The following COL4A1 variants were observed in gnomAD, a reference collection of about 807,000 sequenced individuals.
The protein encoded by COL4A1 is collagen alpha-1(IV) chain.
In COL4A1, 40 loss-of-function variants were observed where a neutral mutation model predicts 216.6. The ratio of observed to expected loss-of-function variants is 0.18; its 90% confidence interval spans 0.14 to 0.24. The LOEUF (loss-of-function observed/expected upper bound fraction) is 0.24, where lower values mean the gene tolerates loss of function less well. Among genes scored for constraint, COL4A1 ranks in the 10% least tolerant of loss-of-function variants. The pLI is 1.00. For missense variants in COL4A1, 1,628 were observed against 2,196.8 expected, an observed-to-expected ratio of 0.74 and a Z score of 5.18; for synonymous variants, 839 against 810.7, an observed-to-expected ratio of 1.03 and a Z score of -0.59.
intron 41 of COL4A1, among the ~76,000 whole-genome samples, chr13:110,171,862 T>C (rs1026312286): frequency 6.6e-6 from 1 of 152,228 alleles, no homozygotes; most frequent in African/African-American, 2.4e-5. Flanking sequence ...TGAGGGATTC[T>C]GTGAGTTAAG....
At chr13:110,247,985 AAG>A (rs1056352012) in intron 1 of COL4A1, among the ~76,000 whole-genome samples, 1 of 152,046 alleles carries the variant, frequency 6.6e-6, no homozygotes, top group Admixed American at 6.6e-5. Flanking sequence ...CTTTTGATGG[AAG>A]ATAGACCTTT....
intron 42 of COL4A1, among the ~76,000 whole-genome samples, 175 bp from the exon 43 acceptor site, chr13:110,169,937 G>GAGGA (rs1877535637): frequency 1.4e-5 from 2 of 140,940 alleles, no homozygotes; most frequent in Non-Finnish European, 3.2e-5. Context: ...AGGAGGGAGG[G>GAGGA]AGGGAGGGAA....
rs752009614 is a variant in COL4A1, at chr13:110,186,553, C to A, written c.1729G>T (p.Gly577Cys). The A allele has an allele frequency of 6.2e-6, 10 of 1,613,960 alleles. No homozygotes were observed. The highest frequency in any genetic ancestry group is 8.5e-6 in the Non-Finnish European group (10 of 1,180,000). ...PGLPGPKGSPGSVGLKGERGP... is the reference protein window; with the variant it reads ...PGLPGPKGSPCSVGLKGERGP... ...CGCTCTCCTTTCAATCCTACAGAACCCTGATGTGAGAAGAAGAAAAAGACA... is the reference window on the plus strand; with the variant it reads ...CGCTCTCCTTTCAATCCTACAGAACACTGATGTGAGAAGAAGAAAAAGACA... Residue 577 changes from glycine (G) to cysteine (C), a missense_variant and splice_region_variant, in exon 26 of 52, where the codon GGT becomes TGT. Coordinates refer to ENST00000375820, the MANE Select transcript of COL4A1 (RefSeq NM_001845.6).
At chr13:110,214,701 T>C (rs1879985190) in intron 2 of COL4A1, among the ~76,000 whole-genome samples, 3 of 152,222 alleles carry the variant, frequency 2.0e-5, no homozygotes. Flanking sequence ...CTTGTACCAC[T>C]AGCCCCTTGG....
At position 110,251,826 on chromosome 13, in the gene COL4A1, A is replaced by T. The variant is rs1216534660; in HGVS notation, c.85-9092T>A. Among the ~76,000 whole-genome samples, 3 of 152,212 alleles carry T rather than the reference A, an allele frequency of 2.0e-5. No individual in the cohort carries two copies. The East Asian group carries it at 5.8e-4, about 29-fold the overall frequency. On this transcript the variant is annotated intron_variant, in intron 1 of 51. Transcript: ENST00000375820. ...GATCTTGGCCGCACAGCCTGAGAGC[A>T]TAAAGACCTTGAACCCACACCTGAC... is the stretch of plus-strand genomic sequence containing the variant.
intron 1 of COL4A1, among the ~76,000 whole-genome samples, chr13:110,291,598 G>A (rs531380455): frequency 6.6e-6 from 1 of 152,304 alleles, no homozygotes; most frequent in East Asian, 1.9e-4. Flanking sequence ...CATGTCAAGT[G>A]CTGAAAATGC....
Position 110,155,546 on chromosome 13 carries a change from A to G in COL4A1, c.4641-149T>C. On this transcript the variant is annotated intron_variant, in intron 49 of 51. Coordinates refer to ENST00000375820, the MANE Select transcript of COL4A1 (RefSeq NM_001845.6). ...GTAGAAAACATTGTGCCCATTGCTTAGACTCTGAGGTTTAGTACCTCCCCG... is the reference window on the plus strand; with the variant it reads ...GTAGAAAACATTGTGCCCATTGCTTGGACTCTGAGGTTTAGTACCTCCCCG... 4.2e-6 allele frequency: 3 copies of G among 707,026 alleles called. No homozygotes were observed. In the South Asian group the frequency reaches 4.5e-5, roughly 11 times the overall value. The allele number at this position is 707,026 out of a possible 1,614,324, so 43.8% of individuals were successfully genotyped here. A position where few individuals can be genotyped will look rare whatever the true frequency, so the allele number is the denominator to read the frequency against.
intron 1 of COL4A1, among the ~76,000 whole-genome samples, chr13:110,244,656 AT>A (rs1299976785): frequency 3.7e-4 from 57 of 152,226 alleles, no homozygotes; most frequent in African/African-American, 1.3e-3. Flanking sequence ...GCTCCTGCGA[AT>A]TGCTGACTGC....
intron 1 of COL4A1, among the ~76,000 whole-genome samples, chr13:110,297,803 G>A (rs547091300): frequency 1.3e-5 from 2 of 152,172 alleles, no homozygotes; most frequent in Non-Finnish European, 2.9e-5. Flanking sequence ...CAGAGTAAGC[G>A]CTGAACACAC....
intron 41 of COL4A1, among the ~76,000 whole-genome samples, chr13:110,172,075 A>T (rs775425321): frequency 6.6e-6 from 1 of 152,230 alleles, no homozygotes; most frequent in Non-Finnish European, 1.5e-5. Flanking sequence ...GGGCTTTCTG[A>T]ATCCTCCCAC....
rs774341334 is a variant in COL4A1, at chr13:110,155,320, C to G, written c.4718G>C (p.Gly1573Ala). The G allele has an allele frequency of 2.5e-6, 4 of 1,614,052 alleles. No homozygotes were observed. In the African/African-American group the frequency reaches 5.3e-5, roughly 22 times the overall value. The stretch of plus-strand genomic sequence containing the variant: ...GTAGCCGATCCACAGCGAGGACCAC[C>G]CGCTGGGGCACGGTGGGATCTGAAT... The part of the protein sequence containing the change: ...QTIQIPPCPS[G>A]WSSLWIGYSF... The change falls in exon 50 of 52, where the codon GGG becomes GCG. Residue 1573 changes from glycine to alanine, a missense_variant. Transcript: ENST00000375820.
chr13:110,159,273 G>T (rs1876950360), intron 49 of COL4A1, among the ~76,000 whole-genome samples: 1 of 114 alleles, frequency 8.8e-3, no homozygotes, highest in Non-Finnish European at 0.071. Context: ...GGTGGAACTG[G>T]GGAGTGTGTG....
chr13:110,172,714 G>C lies in COL4A1; in HGVS notation c.3556+6C>G, dbSNP rs771991171. 5 of 1,613,468 alleles carry C rather than the reference G, an allele frequency of 3.1e-6. No individual in the cohort carries two copies. Among genetic ancestry groups the C allele is most frequent in the Non-Finnish European group, 4.2e-6 (5 of 1,179,416 alleles). On this transcript the variant is annotated splice_donor_region_variant and intron_variant, in intron 41 of 51. Coordinates refer to ENST00000375820, the MANE Select transcript of COL4A1 (RefSeq NM_001845.6). ...GAAAAGGAAGAGCACAGTGAGCAAA[G>C]ATTACCTTTGTCTCCTTTGGCCCCT...
intron 1 of COL4A1, among the ~76,000 whole-genome samples, chr13:110,288,645 A>G (rs1468192352): frequency 6.6e-6 from 1 of 152,256 alleles, no homozygotes; most frequent in African/African-American, 2.4e-5. Flanking sequence ...TTTGAGCATA[A>G]CAGACTGATT....
At chr13:110,170,767 C>T (rs761209206) in intron 41 of COL4A1, 35 bp from the exon 42 acceptor site, 23 of 1,609,752 alleles carry the variant, frequency 1.4e-5, no homozygotes, top group African/African-American at 9.4e-5. Flanking sequence ...TGATGGGAAA[C>T]GCAGCAGCAG....
chr13:110,219,706 A>ATATGTATGTC (rs1880305171), intron 2 of COL4A1, among the ~76,000 whole-genome samples: 1 of 78,324 alleles, frequency 1.3e-5, no homozygotes. Flanking sequence ...ATATGTATAT[A>ATATGTATGTC]CATATGTGTA....
intron 2 of COL4A1, among the ~76,000 whole-genome samples, chr13:110,232,181 A>G (rs938401760): frequency 2.6e-5 from 4 of 152,196 alleles, no homozygotes; most frequent in African/African-American, 9.6e-5. Flanking sequence ...TATGTGACGA[A>G]CCAAAGCTAA....
chr13:110,273,378 T>C (rs1358424997), intron 1 of COL4A1, among the ~76,000 whole-genome samples: 2 of 152,230 alleles, frequency 1.3e-5, no homozygotes, highest in African/African-American at 4.8e-5. Flanking sequence ...TGAGTGCATC[T>C]TAGACCACCA....
intron 21 of COL4A1, among the ~76,000 whole-genome samples, chr13:110,197,367 C>T (rs1046842804): frequency 6.6e-6 from 1 of 152,144 alleles, no homozygotes; most frequent in African/African-American, 2.4e-5. Context: ...AGTCTTGTCA[C>T]CACTGCTAGA....
Sources: allele counts gnomAD v4.1 joint callset (sites outside exome capture counted in the v4.1 genomes callset), GRCh38; gene constraint gnomAD v4.1.1; transcripts MANE v1.5; gene names NCBI Gene and HGNC (gene_info 2026-07-23, HGNC 2026-07-21).